MAP3K13: variants seen among roughly 807,000 people sequenced by gnomAD.
MAP3K13 encodes mitogen-activated protein kinase kinase kinase 13, also known as leucine zipper-bearing kinase.
Under a neutral mutation model 104.0 loss-of-function variants are expected in MAP3K13, and 52 were observed. The observed-to-expected ratio is 0.50, with a 90% CI of 0.40 to 0.63. MAP3K13 has a LOEUF of 0.63. MAP3K13 is among the 20% of genes least tolerant of loss of function. The pLI is 0.00. For synonymous variants in MAP3K13, 394 were observed against 442.2 expected, an observed-to-expected ratio of 0.89 and a Z score of 1.37; for missense variants, 914 against 1,218.5, an observed-to-expected ratio of 0.75 and a Z score of 3.72.
At chr3:185,447,686 AAG>A in intron 4 of MAP3K13, 101 bp from the exon 5 acceptor site, 3 of 843,864 alleles carry the variant, frequency 3.6e-6, no homozygotes, top group Non-Finnish European at 5.6e-6. Context: ...TGAATGCTAC[AAG>A]ATAGGAAGTA....
intron 7 of MAP3K13, among the ~76,000 whole-genome samples, chr3:185,461,984 A>T (rs537661495): frequency 2.2e-3 from 328 of 152,356 alleles, no homozygotes; most frequent in Non-Finnish European, 4.0e-3. Context: ...CTAACATGGA[A>T]AACAATAGGG....
At chr3:185,467,842 A>C (rs1375182131) in intron 10 of MAP3K13, among the ~76,000 whole-genome samples, 1 of 151,942 alleles carries the variant, frequency 6.6e-6, no homozygotes, top group Non-Finnish European at 1.5e-5. Context: ...AAAAGGTTTA[A>C]TTGGCTCATG....
chr3:185,424,639 A>G (rs879576951), intron 1 of MAP3K13, among the ~76,000 whole-genome samples: 2 of 152,232 alleles, frequency 1.3e-5, no homozygotes, highest in African/African-American at 4.8e-5. Flanking sequence ...GAAATGAGCA[A>G]ACACTACAAA....
chr3:185,338,494 G>A (rs1235596851), intron 2 of MAP3K13, among the ~76,000 whole-genome samples: 2 of 152,112 alleles, frequency 1.3e-5, no homozygotes, highest in East Asian at 1.9e-4. Flanking sequence ...TGACTTAGAA[G>A]CCATAAGTAG....
intron 2 of MAP3K13, among the ~76,000 whole-genome samples, chr3:185,357,447 TAAAAAAAAAAAAAA>T (rs71162295): frequency 2.2e-5 from 2 of 91,354 alleles, no homozygotes; most frequent in East Asian, 5.6e-4. Context: ...AAACTCCATC[TAAAAAAAAAAAAAA>T]AAAAAAGAAA....
intron 1 of MAP3K13, among the ~76,000 whole-genome samples, chr3:185,415,775 G>A (rs554098652): frequency 6.6e-6 from 1 of 151,830 alleles, no homozygotes; most frequent in South Asian, 2.1e-4. Context: ...TAGAGACGAG[G>A]TTTCTCCATG....
At chr3:185,453,379 T>C (rs766659870) in intron 7 of MAP3K13, among the ~76,000 whole-genome samples, 1 of 152,134 alleles carries the variant, frequency 6.6e-6, no homozygotes, top group Non-Finnish European at 1.5e-5. Flanking sequence ...TTACTAGCAA[T>C]TGGCATTTCA....
chr3:185,458,159 A>G (rs1716875644), intron 7 of MAP3K13, among the ~76,000 whole-genome samples: 1 of 152,136 alleles, frequency 6.6e-6, no homozygotes, highest in Admixed American at 6.5e-5. Flanking sequence ...ATTTGAGGTC[A>G]GGAGTTCAAG....
rs532235033 is a variant in MAP3K13 at position 185,483,147 on chromosome 3, G to C, written c.*691G>C. Reference sequence around the variant, plus strand: ...TCAAGGGCATGTGCTTCCTCTAGGAGGGAAAAACAGACAAACAAACAAACA... The same window carrying C: ...TCAAGGGCATGTGCTTCCTCTAGGACGGAAAAACAGACAAACAAACAAACA... On this transcript the variant is annotated 3_prime_UTR_variant, in exon 14 of 14. Transcript: ENST00000265026. The C allele has an allele frequency of 1.8e-4, 42 of 233,124 alleles. No homozygotes were observed. The highest frequency in any genetic ancestry group is 9.2e-4 in the African/African-American group (42 of 45,432). 14.4% of individuals were successfully genotyped at this position (233,124 alleles called of 1,614,324 possible).
At chr3:185,352,460 A>AC (rs1723171499) in intron 2 of MAP3K13, among the ~76,000 whole-genome samples, 1 of 152,168 alleles carries the variant, frequency 6.6e-6, no homozygotes. Flanking sequence ...GAAAAAAAAA[A>AC]GAAAAAAAGT....
Position 185,384,308 on chromosome 3 carries a change from CTGTG to C in MAP3K13, c.-86+20967_-86+20970del, listed in dbSNP as rs142627913. Among the ~76,000 whole-genome samples the C allele has an allele frequency of 4.1e-4, 61 of 147,576 alleles. No individual in the cohort carries two copies. In the East Asian group the frequency reaches 0.01, roughly 25 times the overall value. On this transcript the variant is annotated intron_variant, in intron 1 of 13. Transcript: ENST00000265026. The stretch of plus-strand genomic sequence containing the variant: ...TTTTATGACTAAATAGTATTCCATT[CTGTG>C]TGTGTGTGTGTGTGTGTGTGTGTGT...
intron 1 of MAP3K13, among the ~76,000 whole-genome samples, chr3:185,405,681 C>T (rs1335665788): frequency 1.3e-5 from 2 of 152,204 alleles, no homozygotes; most frequent in East Asian, 3.8e-4. Context: ...GCTCAAATGT[C>T]TCTTTTTCTG....
chr3:185,412,028 C>T (rs1713483160), intron 1 of MAP3K13, among the ~76,000 whole-genome samples: 1 of 152,146 alleles, frequency 6.6e-6, no homozygotes, highest in South Asian at 2.1e-4. Flanking sequence ...AGGTCATCCT[C>T]CCACCTCGGC....
In MAP3K13 at chr3:185,472,957, C is replaced by A. The variant is rs1717889825; in HGVS notation, c.1644-18C>A. 13 of 1,607,610 alleles carry A rather than the reference C, an allele frequency of 8.1e-6. No individual in the cohort carries two copies. Among genetic ancestry groups the A allele is most frequent in the African/African-American group, 1.3e-5 (1 of 74,636 alleles). On this transcript the variant is annotated intron_variant, in intron 10 of 13. Transcript: ENST00000265026. The stretch of plus-strand genomic sequence containing the variant: ...GTGTTTTCATGTGTTTCAGATTAAA[C>A]CTGTTCTTTCCTCCCAGGCCAGACT...
In MAP3K13 at chr3:185,415,879, G is replaced by A. The variant is rs565338965; in HGVS notation, c.-85-12618G>A. ...ATTGCAGGTGTGAGCCACTGCTCCC[G>A]GCCAATTTTTTTCTCCCAAATACTA... On this transcript the variant is annotated intron_variant, in intron 1 of 13. Transcript: ENST00000265026. 6.6e-5 allele frequency among the ~76,000 whole-genome samples: 10 copies of A among 152,028 alleles called. No homozygotes were observed. The South Asian group carries it at 8.3e-4, about 13-fold the overall frequency.
intron 2 of MAP3K13, among the ~76,000 whole-genome samples, chr3:185,309,013 C>T (rs1296164070): frequency 1.3e-5 from 2 of 152,024 alleles, no homozygotes; most frequent in Non-Finnish European, 2.9e-5. Context: ...TCCTATTCCA[C>T]CGTGTTTTCT....
At chr3:185,287,330 T>C (rs547037123) in intron 2 of MAP3K13, among the ~76,000 whole-genome samples, 1 of 152,244 alleles carries the variant, frequency 6.6e-6, no homozygotes, top group African/African-American at 2.4e-5. Flanking sequence ...TCTTATTATT[T>C]TACTTTGTTC....
chr3:185,368,774 C>T lies in MAP3K13; in HGVS notation c.-86+5406C>T, dbSNP rs182307066. Among the ~76,000 whole-genome samples, 1,253 of 152,034 alleles carry T rather than the reference C, an allele frequency of 8.2e-3. 20 individuals carry two copies. The highest frequency in any genetic ancestry group is 0.029 in the African/African-American group (1,191 of 41,458). ...GAGTTTGAGACCAGCCTGACCAACA[C>T]GGAGAAACCCTGTCTCTACTAAAAA... On this transcript the variant is annotated intron_variant, in intron 1 of 13. Coordinates refer to ENST00000265026, the MANE Select transcript of MAP3K13 (RefSeq NM_004721.5).
At chr3:185,461,690 A>G (rs997798769) in intron 7 of MAP3K13, among the ~76,000 whole-genome samples, 8 of 151,980 alleles carry the variant, frequency 5.3e-5, no homozygotes, top group African/African-American at 1.9e-4. Context: ...AGCCTGCCGA[A>G]TAGCTGGCAT....
Sources: gnomAD v4.1 joint callset for allele counts (sites outside exome capture counted in the v4.1 genomes callset) on GRCh38, gnomAD v4.1.1 for gene constraint, MANE v1.5 for transcripts, NCBI Gene and HGNC (gene_info 2026-07-23, HGNC 2026-07-21) for gene names.